BTBD9: variants seen among roughly 807,000 people sequenced by gnomAD.
BTBD9 encodes the protein BTB domain containing 9, also known as BTB/POZ domain-containing protein 9.
Under a neutral mutation model 64.3 loss-of-function variants are expected in BTBD9, and 49 were observed. That is an observed-to-expected ratio of 0.76 (90% confidence interval 0.61 to 0.97). The LOEUF (loss-of-function observed/expected upper bound fraction) is 0.97, where lower values mean the gene tolerates loss of function less well. BTBD9 is among the 50% of genes least tolerant of loss of function. The probability of loss-of-function intolerance (pLI) is 0.00; values close to 1 mark genes in which losing one functional copy is unlikely to be tolerated. For synonymous variants in BTBD9, 260 were observed against 274.7 expected, an observed-to-expected ratio of 0.95 and a Z score of 0.53; for missense variants, 598 against 762.1, an observed-to-expected ratio of 0.78 and a Z score of 2.53.
rs572385714 is a variant in BTBD9 at position 38,210,522 on chromosome 6, G to A, written c.1563-17925C>T. Among the ~76,000 whole-genome samples the A allele has an allele frequency of 1.3e-4, 18 of 136,044 alleles. 1 individual carries two copies. In the South Asian group the frequency reaches 4.2e-3, roughly 32 times the overall value. 89.3% of individuals were successfully genotyped at this position (136,044 alleles called of 152,430 possible). A position where few individuals can be genotyped will look rare whatever the true frequency, so the allele number is the denominator to read the frequency against. Reference sequence around the variant, plus strand: ...CATGTTTGTACACAAGTGGTGGTGGGAGAGTGCGTGTGTTTGTGTGTGTGT... The same window carrying A: ...CATGTTTGTACACAAGTGGTGGTGGAAGAGTGCGTGTGTTTGTGTGTGTGT... On this transcript the variant is annotated intron_variant, in intron 9 of 10. Transcript: ENST00000481247.
intron 8 of BTBD9, among the ~76,000 whole-genome samples, chr6:38,274,589 A>C (rs1330084940): frequency 1.3e-5 from 2 of 152,218 alleles, no homozygotes; most frequent in African/African-American, 4.8e-5. Flanking sequence ...TTTAGCATGA[A>C]GGATTGTTGA....
intron 9 of BTBD9, among the ~76,000 whole-genome samples, chr6:38,226,771 G>A (rs762703872): frequency 3.9e-5 from 6 of 152,170 alleles, no homozygotes; most frequent in Non-Finnish European, 5.9e-5. Flanking sequence ...ACACACACAC[G>A]CACTCACAGA....
chr6:38,513,182 G>A (rs1032208305), intron 6 of BTBD9, among the ~76,000 whole-genome samples: 1 of 152,144 alleles, frequency 6.6e-6, no homozygotes, highest in African/African-American at 2.4e-5. Context: ...CTGGCTGGAT[G>A]CAGTGGCTCA....
At chr6:38,319,567 G>A (rs755597474) in intron 7 of BTBD9, among the ~76,000 whole-genome samples, 9 of 152,028 alleles carry the variant, frequency 5.9e-5, no homozygotes, top group Non-Finnish European at 8.8e-5. Flanking sequence ...GGCCCAGGGC[G>A]TGACTAGAAA....
At chr6:38,337,447 ATT>A (rs1300240642) in intron 7 of BTBD9, among the ~76,000 whole-genome samples, 2 of 152,222 alleles carry the variant, frequency 1.3e-5, no homozygotes, top group African/African-American at 4.8e-5. Context: ...AAACGGTATT[ATT>A]GCTATGTAAA....
At chr6:38,301,836 G>A (rs1033502604) in intron 7 of BTBD9, among the ~76,000 whole-genome samples, 1 of 152,050 alleles carries the variant, frequency 6.6e-6, no homozygotes, top group Non-Finnish European at 1.5e-5. Flanking sequence ...ATTTTTTGAA[G>A]GGTTTTTTGT....
chr6:38,537,588 T>C (rs1774076668), intron 6 of BTBD9, among the ~76,000 whole-genome samples: 1 of 152,162 alleles, frequency 6.6e-6, no homozygotes, highest in Non-Finnish European at 1.5e-5. Context: ...GAGGTGAGAA[T>C]GGGGAGTTAG....
chr6:38,462,537 A>G (rs1335541805), intron 6 of BTBD9, among the ~76,000 whole-genome samples: 2 of 152,182 alleles, frequency 1.3e-5, no homozygotes, highest in African/African-American at 4.8e-5. Context: ...TGAGTAAGGT[A>G]GGTTTATAAT....
intron 2 of BTBD9, among the ~76,000 whole-genome samples, chr6:38,595,081 A>C (rs1776977635): frequency 6.6e-6 from 1 of 152,260 alleles, no homozygotes; most frequent in Non-Finnish European, 1.5e-5. Context: ...CTGTTTTGAA[A>C]ACATGTCCAG....
chr6:38,457,989 C>T (rs751543055), intron 6 of BTBD9, among the ~76,000 whole-genome samples: 9 of 152,042 alleles, frequency 5.9e-5, no homozygotes, highest in African/African-American at 9.7e-5. Context: ...ATGTATGTGG[C>T]GTATAAGGAT....
At position 38,351,507 on chromosome 6, in the gene BTBD9, G is replaced by GTT. The variant is rs70981542; in HGVS notation, c.1155-6416_1155-6415dup. ...TAAAGACAAATATTTAATTGTTGTTGTTTTTTTTTTTTTTTTTTTTGAGAT... is the reference window on the plus strand; with the variant it reads ...TAAAGACAAATATTTAATTGTTGTTGTTTTTTTTTTTTTTTTTTTTTTGAGAT... On this transcript the variant is annotated intron_variant, in intron 6 of 10. Coordinates refer to ENST00000481247, the MANE Select transcript of BTBD9 (RefSeq NM_001099272.2). Among the ~76,000 whole-genome samples the GTT allele has an allele frequency of 6.4e-3, 654 of 102,658 alleles. 34 individuals carry two copies. The East Asian group carries it at 0.066, about 10-fold the overall frequency. 67.3% of individuals were successfully genotyped at this position (102,658 alleles called of 152,430 possible).
intron 4 of BTBD9, chr6:38,587,570 G>C: frequency 1.7e-6 from 1 of 575,694 alleles, no homozygotes; most frequent in Non-Finnish European, 3.3e-6. Flanking sequence ...ATTCAGTGTA[G>C]TAGGACACTG....
chr6:38,431,425 C>A (rs758716189), intron 6 of BTBD9, among the ~76,000 whole-genome samples: 1 of 152,130 alleles, frequency 6.6e-6, no homozygotes, highest in Non-Finnish European at 1.5e-5. Context: ...TATTACCAAC[C>A]CAGTTTCACA....
intron 6 of BTBD9, among the ~76,000 whole-genome samples, chr6:38,387,595 T>C (rs563944814): frequency 6.6e-6 from 1 of 152,158 alleles, no homozygotes; most frequent in Non-Finnish European, 1.5e-5. Context: ...ACCAAAGCCA[T>C]ATGAAGGCAT....
chr6:38,535,693 G>A (rs966492759), intron 6 of BTBD9, among the ~76,000 whole-genome samples: 3 of 152,032 alleles, frequency 2.0e-5, no homozygotes, highest in African/African-American at 7.2e-5. Flanking sequence ...TGAGAATCCA[G>A]AACAAATCCA....
intron 8 of BTBD9, among the ~76,000 whole-genome samples, chr6:38,271,942 T>C (rs1765209914): frequency 6.7e-6 from 1 of 149,362 alleles, no homozygotes; most frequent in African/African-American, 2.5e-5. Flanking sequence ...AAATTTCTGG[T>C]ATTTCTCCTA....
At chr6:38,180,675 A>G (rs1006847290) in intron 10 of BTBD9, among the ~76,000 whole-genome samples, 11 of 152,186 alleles carry the variant, frequency 7.2e-5, no homozygotes, top group African/African-American at 2.7e-4. Flanking sequence ...GCAGAGCCGC[A>G]CTACTCATTT....
At chr6:38,464,294 T>C (rs988328092) in intron 6 of BTBD9, among the ~76,000 whole-genome samples, 2 of 152,156 alleles carry the variant, frequency 1.3e-5, no homozygotes, top group Middle Eastern at 3.2e-3. Flanking sequence ...TGACATATTG[T>C]TATGGCAGCC....
chr6:38,257,802 T>C (rs1342635926), intron 8 of BTBD9, among the ~76,000 whole-genome samples: 1 of 151,958 alleles, frequency 6.6e-6, no homozygotes, highest in East Asian at 1.9e-4. Flanking sequence ...AGAACAGTGG[T>C]TAGTTCTGGG....
Sources: gnomAD v4.1 joint callset for allele counts (sites outside exome capture counted in the v4.1 genomes callset) on GRCh38, gnomAD v4.1.1 for gene constraint, MANE v1.5 for transcripts, NCBI Gene and HGNC (gene_info 2026-07-23, HGNC 2026-07-21) for gene names.